The following ESCO1 variants were observed in gnomAD, a reference collection of about 807,000 sequenced individuals.
ESCO1 encodes establishment of sister chromatid cohesion N-acetyltransferase 1, also known as N-acetyltransferase ESCO1.
ESCO1 carries 33 observed loss-of-function variants against 83.5 expected under a neutral mutation model. The observed-to-expected ratio is 0.40, with a 90% CI of 0.30 to 0.53. The LOEUF (loss-of-function observed/expected upper bound fraction) is 0.53. ESCO1 is among the 20% of genes least tolerant of loss of function. The pLI is 0.63. For missense variants in ESCO1, 855 were observed against 968.0 expected, an observed-to-expected ratio of 0.88 and a Z score of 1.55; for synonymous variants, 332 against 324.3, an observed-to-expected ratio of 1.02 and a Z score of -0.25.
chr18:21,594,829 A>G (rs1323019087), intron 1 of ESCO1, among the ~76,000 whole-genome samples: 1 of 152,082 alleles, frequency 6.6e-6, no homozygotes, highest in Non-Finnish European at 1.5e-5. Flanking sequence ...GTAAATTTCA[A>G]ATTTCCATGG....
At chr18:21,542,848 A>T (rs774396524) in intron 8 of ESCO1, among the ~76,000 whole-genome samples, 1 of 152,224 alleles carries the variant, frequency 6.6e-6, no homozygotes, top group East Asian at 1.9e-4. Flanking sequence ...AGAGGCGATA[A>T]AGTCCATCCA....
At position 21,564,221 on chromosome 18, in the gene ESCO1, A is replaced by C. The variant is rs1285600382; in HGVS notation, c.1803T>G (p.Asp601Glu). 13 of 1,602,412 alleles carry C rather than the reference A, an allele frequency of 8.1e-6. No homozygotes were observed. Among genetic ancestry groups the C allele is most frequent in the Non-Finnish European group, 1.1e-5 (13 of 1,172,798 alleles). Residue 601 changes from aspartate to glutamate, a missense_variant, in exon 7 of 12, where the codon GAT becomes GAG. Transcript: ENST00000269214. ...DLKLKEAEKTDEKQLIIDAGQ... is the reference protein window; with the variant it reads ...DLKLKEAEKTEEKQLIIDAGQ... ...TACTTACTATAATCAACTGTTTTTC[A>C]TCAGTTTTCTCTGCTTCTTTTAGTT...
chr18:21,530,446 G>T lies in ESCO1; in HGVS notation c.2420C>A (p.Ala807Asp). 1 of 1,455,174 alleles carries T rather than the reference G, an allele frequency of 6.9e-7. No homozygotes were observed. Among genetic ancestry groups the T allele is most frequent in the South Asian group, 1.1e-5 (1 of 88,536 alleles). The allele number at this position is 1,455,174 out of a possible 1,614,324, so 90.1% of individuals were successfully genotyped here. A position where few individuals can be genotyped will look rare whatever the true frequency, so the allele number is the denominator to read the frequency against. Residue 807 changes from alanine to aspartate, a missense_variant, in exon 12 of 12, where the codon GCT (alanine) becomes GAT (aspartate). Coordinates refer to ENST00000269214, the MANE Select transcript of ESCO1 (RefSeq NM_052911.3). ...YGSYLSKEEI[A>D]FSDPTPDGKL... ...TCCATCAGGAGTGGGATCTGAGAAA[G>T]CAATTTCTTCTTTGCTCAAATATGA...
intron 1 of ESCO1, among the ~76,000 whole-genome samples, chr18:21,596,305 T>C (rs1237584995): frequency 6.6e-6 from 1 of 151,540 alleles, no homozygotes; most frequent in Admixed American, 6.6e-5. Context: ...TTTTTAAGAG[T>C]ATAAGGGGAT....
rs748556205 is a variant in ESCO1, at chr18:21,573,412, T to C, written c.1432A>G (p.Arg478Gly). 1.4e-5 allele frequency: 23 copies of C among 1,611,848 alleles called. 1 individual carries two copies. The highest frequency in any genetic ancestry group is 1.9e-5 in the Non-Finnish European group (22 of 1,179,588). ...ITVEINKTTERAPENCHLANE... is the reference protein window; with the variant it reads ...ITVEINKTTEGAPENCHLANE... ...GCCAAATGACAATTTTCAGGAGCCC[T>C]TTCTGTGGTTTTATTAATTTCTACT... Residue 478 changes from arginine to glycine, a missense_variant, in exon 4 of 12, where the codon AGG becomes GGG. Arg to Gly is a moderately radical substitution (Grantham distance 125, BLOSUM62 -2). This residue lies in a region of ESCO1 where 726 missense variants were observed against 699.5 expected (regional missense o/e 1.04). Transcript: ENST00000269214.
intron 10 of ESCO1, among the ~76,000 whole-genome samples, chr18:21,535,290 C>T (rs2037820771): frequency 6.6e-6 from 1 of 151,846 alleles, no homozygotes; most frequent in South Asian, 2.1e-4. Flanking sequence ...CCTTGGCTCA[C>T]TACAACCTCT....
chr18:21,586,410 A>T (rs531388656), intron 1 of ESCO1, among the ~76,000 whole-genome samples: 2 of 152,344 alleles, frequency 1.3e-5, no homozygotes, highest in South Asian at 4.1e-4. Flanking sequence ...TTATCCATTC[A>T]TCTGCTGATG....
At chr18:21,548,053 G>A (rs1038706992) in intron 8 of ESCO1, among the ~76,000 whole-genome samples, 7 of 152,166 alleles carry the variant, frequency 4.6e-5, no homozygotes, top group African/African-American at 1.7e-4. Flanking sequence ...AGTGAGCTGA[G>A]ATGGCGCCAC....
intron 1 of ESCO1, among the ~76,000 whole-genome samples, chr18:21,587,729 G>C (rs2038601667): frequency 1.3e-5 from 2 of 152,024 alleles, no homozygotes; most frequent in East Asian, 3.9e-4. Flanking sequence ...CTGAGCCCAG[G>C]TGTTCAAGAC....
chr18:21,546,836 C>T (rs1426094095), intron 8 of ESCO1, among the ~76,000 whole-genome samples: 2 of 152,126 alleles, frequency 1.3e-5, no homozygotes, highest in African/African-American at 2.4e-5. Flanking sequence ...TGTGAGCCAC[C>T]GTGCCTGGCT....
chr18:21,560,905 T>A lies in ESCO1; in HGVS notation c.1907A>T (p.Gln636Leu). The part of the protein sequence containing the change: ...YTASNPEDET[Q>L]HLLFHNQFIS... ...AAACTGGTTGTGGAAAAGCAGATGC[T>A]GTGTTTCATCTTCTGGATTTGAAGC... Residue 636 changes from glutamine (Q) to leucine (L), a missense_variant, in exon 8 of 12, where the codon CAG becomes CTG. Around this residue, in one of 2 missense-constraint regions of ESCO1, gnomAD observed 129 missense variants for 268.5 expected, o/e 0.48. Coordinates refer to ENST00000269214, the MANE Select transcript of ESCO1 (RefSeq NM_052911.3). 1 of 1,603,270 alleles carries A rather than the reference T, an allele frequency of 6.2e-7. No individual in the cohort carries two copies. The highest frequency in any genetic ancestry group is 8.5e-7 in the Non-Finnish European group (1 of 1,176,380).
At chr18:21,564,929 A>T (rs889188147) in intron 6 of ESCO1, among the ~76,000 whole-genome samples, 3 of 152,018 alleles carry the variant, frequency 2.0e-5, no homozygotes, top group African/African-American at 7.2e-5. Context: ...AATAAAAATT[A>T]GCCAGGTGTG....
At chr18:21,540,749 T>C (rs780493315) in intron 8 of ESCO1, 1 of 1,236,204 alleles carries the variant, frequency 8.1e-7, no homozygotes, top group Admixed American at 3.0e-5. Context: ...TCTAGTAAGA[T>C]GGGACTGAAC....
chr18:21,568,155 A>G (rs2038288605), intron 4 of ESCO1, 61 bp from the exon 5 acceptor site: 1 of 1,261,188 alleles, frequency 7.9e-7, no homozygotes, highest in African/African-American at 1.5e-5. Context: ...ATAAACTTTC[A>G]GTAAATTTTA....
chr18:21,535,443 C>T (rs535634517), intron 10 of ESCO1, among the ~76,000 whole-genome samples: 2 of 150,558 alleles, frequency 1.3e-5, no homozygotes, highest in East Asian at 2.0e-4. Context: ...AGTGCAGTGG[C>T]GCAATCTTGG....
Position 21,569,744 on chromosome 18 carries a change from C to G in ESCO1, c.1531-1650G>C, listed in dbSNP as rs116329542. ...GTGTGGTGGCGGTCCCAGTTACTCA[C>G]GAGGCTAAGGCAGGAGAAATCACTT... On this transcript the variant is annotated intron_variant, in intron 4 of 11. Coordinates refer to ENST00000269214, the MANE Select transcript of ESCO1 (RefSeq NM_052911.3). 2.2e-3 allele frequency among the ~76,000 whole-genome samples: 336 copies of G among 152,172 alleles called. 1 individual carries two copies. The highest frequency in any genetic ancestry group is 7.5e-3 in the African/African-American group (312 of 41,544).
intron 1 of ESCO1, among the ~76,000 whole-genome samples, chr18:21,592,063 T>A (rs901170863): frequency 2.0e-5 from 3 of 151,682 alleles, no homozygotes; most frequent in African/African-American, 7.3e-5. Flanking sequence ...GTCTCCCATG[T>A]CTACTTCTTT....
At chr18:21,566,717 G>A (rs1027663657) in intron 5 of ESCO1, among the ~76,000 whole-genome samples, 2 of 151,944 alleles carry the variant, frequency 1.3e-5, no homozygotes, top group African/African-American at 4.8e-5. Context: ...AAAATAAGCC[G>A]GGTGTGGTGA....
At chr18:21,534,740 G>A (rs893984605) in intron 10 of ESCO1, among the ~76,000 whole-genome samples, 6 of 151,316 alleles carry the variant, frequency 4.0e-5, no homozygotes, top group Non-Finnish European at 7.4e-5. Flanking sequence ...CAATTCTCCT[G>A]CCTCAGCCTC....
Sources: gnomAD v4.1 joint callset for allele counts (sites outside exome capture counted in the v4.1 genomes callset) on GRCh38, gnomAD v4.1.1 for gene constraint, gnomAD v4.1.1 regional missense constraint, MANE v1.5 for transcripts, NCBI Gene and HGNC (gene_info 2026-07-23, HGNC 2026-07-21) for gene names.